SATL1: variants seen among roughly 807,000 people sequenced by gnomAD.
The protein encoded by SATL1 is spermidine/spermine N(1)-acetyltransferase-like protein 1.
A neutral mutation model predicts 51.8 loss-of-function variants in SATL1; 47 were observed. The observed-to-expected ratio is 0.91, with a 90% CI of 0.72 to 1.16. SATL1 has a LOEUF of 1.16. Ranked by LOEUF, SATL1 falls within the 50% of genes most tolerant of loss-of-function variation. The pLI is 0.00. For missense variants in SATL1, 520 were observed against 526.4 expected, an observed-to-expected ratio of 0.99 and a Z score of 0.12; for synonymous variants, 176 against 182.4, an observed-to-expected ratio of 0.97 and a Z score of 0.28.
intron 2 of SATL1, among the ~76,000 whole-genome samples, chrX:85,136,740 G>T (rs1255181173): frequency 8.9e-6 from 1 of 111,788 alleles, no homozygotes; most frequent in Non-Finnish European, 1.9e-5. Context: ...TTCTTTGGTA[G>T]CCCCACAAAT....
chrX:85,096,149 TAA>T (rs776517303), intron 4 of SATL1, among the ~76,000 whole-genome samples: 2 of 110,820 alleles, frequency 1.8e-5, no homozygotes, highest in South Asian at 7.6e-4. Context: ...CCCAGAGAGA[TAA>T]GACATGCACA....
At chrX:85,169,296 C>G (rs1176162669) in intron 2 of SATL1, among the ~76,000 whole-genome samples, 1 of 111,557 alleles carries the variant, frequency 9.0e-6, no homozygotes, top group Non-Finnish European at 1.9e-5. Context: ...TAAAGAGTTT[C>G]TGCACAGCAA....
At chrX:85,191,525 G>A (rs1307692133) in intron 2 of SATL1, among the ~76,000 whole-genome samples, 3 of 111,401 alleles carry the variant, frequency 2.7e-5, no homozygotes, top group African/African-American at 9.8e-5. Flanking sequence ...GAAAATCCGT[G>A]TATAACTTTT....
chrX:85,094,310 CGTTT>C, intron 5 of SATL1, 81 bp from the exon 6 acceptor site: 3 of 542,526 alleles, frequency 5.5e-6, no homozygotes, highest in Non-Finnish European at 9.7e-6. Flanking sequence ...TGTCTTTTGG[CGTTT>C]GTTTAACTAT....
chrX:85,213,591 A>C (rs906428237), intron 2 of SATL1, among the ~76,000 whole-genome samples: 18 of 111,654 alleles, frequency 1.6e-4, no homozygotes, highest in Non-Finnish European at 3.0e-4. Context: ...CCGCATAGCA[A>C]AATAACATTC....
At chrX:85,118,873 T>C (rs1429564266) in intron 2 of SATL1, among the ~76,000 whole-genome samples, 1 of 111,455 alleles carries the variant, frequency 9.0e-6, no homozygotes, top group East Asian at 2.8e-4. Flanking sequence ...ACACGATAAA[T>C]ATATACAAGT....
chrX:85,220,716 G>C (rs779016525), intron 2 of SATL1, among the ~76,000 whole-genome samples: 1 of 85,561 alleles, frequency 1.2e-5, no homozygotes, highest in East Asian at 4.5e-4. Context: ...GCATCACACA[G>C]TGTCCTACAT....
At chrX:85,222,693 G>A (rs1928199442) in intron 2 of SATL1, among the ~76,000 whole-genome samples, 1 of 111,111 alleles carries the variant, frequency 9.0e-6, no homozygotes, top group Non-Finnish European at 1.9e-5. Flanking sequence ...ATTGCTTCCT[G>A]CTAAGCTCAA....
chrX:85,140,743 G>C (rs1310082304), intron 2 of SATL1, among the ~76,000 whole-genome samples: 1 of 111,738 alleles, frequency 8.9e-6, no homozygotes, highest in East Asian at 2.8e-4. Flanking sequence ...GCTAGCTACT[G>C]TTCCCAATGT....
intron 2 of SATL1, among the ~76,000 whole-genome samples, chrX:85,175,108 A>G (rs933919681): frequency 1.8e-5 from 2 of 111,473 alleles, no homozygotes; most frequent in Non-Finnish European, 3.8e-5. Flanking sequence ...AGTGTGGTTC[A>G]GACCAGTGCA....
At chrX:85,169,961 C>T (rs1161866819) in intron 2 of SATL1, among the ~76,000 whole-genome samples, 1 of 111,310 alleles carries the variant, frequency 9.0e-6, no homozygotes, top group Non-Finnish European at 1.9e-5. Context: ...ACAAGATTAT[C>T]ATCCAGGAAT....
chrX:85,116,423 C>T (rs1360770827), intron 2 of SATL1, among the ~76,000 whole-genome samples: 1 of 111,898 alleles, frequency 8.9e-6, no homozygotes, highest in African/African-American at 3.2e-5. Context: ...CTTCTGAGGT[C>T]TTGTGACCCT....
intron 6 of SATL1, among the ~76,000 whole-genome samples, chrX:85,093,574 A>G (rs1280888931): frequency 8.9e-6 from 1 of 112,631 alleles, no homozygotes; most frequent in Non-Finnish European, 1.9e-5. Flanking sequence ...TACTCACACG[A>G]TGGCTCACAC....
chrX:85,146,560 C>A (rs1926244132), intron 2 of SATL1, among the ~76,000 whole-genome samples: 1 of 111,953 alleles, frequency 8.9e-6, no homozygotes, highest in Non-Finnish European at 1.9e-5. Flanking sequence ...GGGTTCAGTA[C>A]TATCTGCAAT....
chrX:85,214,984 G>A (rs1928011525), intron 2 of SATL1, among the ~76,000 whole-genome samples: 1 of 111,950 alleles, frequency 8.9e-6, no homozygotes, highest in Non-Finnish European at 1.9e-5. Flanking sequence ...AGTTTTACGA[G>A]GCTGCAGTCG....
chrX:85,165,683 T>C lies in SATL1; in HGVS notation c.-312-56403A>G, dbSNP rs1926819171. On this transcript the variant is annotated intron_variant, in intron 2 of 7. Coordinates refer to ENST00000644105, the MANE Select transcript of SATL1 (RefSeq NM_001367857.2). Reference sequence around the variant, plus strand: ...TTCTCATTTGGGTAGACTGTTTCAGTGGAAATATCTGAAACTCAATGGCTG... The same window carrying C: ...TTCTCATTTGGGTAGACTGTTTCAGCGGAAATATCTGAAACTCAATGGCTG... Among the ~76,000 whole-genome samples the C allele has an allele frequency of 2.7e-5, 3 of 111,750 alleles. No individual in the cohort carries two copies. In the South Asian group the frequency reaches 1.1e-3, roughly 42 times the overall value.
chrX:85,206,305 C>T (rs1446122835), intron 2 of SATL1, among the ~76,000 whole-genome samples: 1 of 111,170 alleles, frequency 9.0e-6, no homozygotes, highest in Admixed American at 9.6e-5. Flanking sequence ...AGTAACAAGC[C>T]CTTAGATACT....
rs773217676 is a variant in SATL1, at chrX:85,192,903, T to C, written c.-313+31302A>G. Among the ~76,000 whole-genome samples, 85 of 111,865 alleles carry C rather than the reference T, an allele frequency of 7.6e-4. 1 individual carries two copies. The highest frequency in any genetic ancestry group is 2.6e-3 in the African/African-American group (81 of 30,844). ...AGATAATATACTAGAAATAAAACATTTATATGTATTTTAAAAATCACATAC... is the reference window on the plus strand; with the variant it reads ...AGATAATATACTAGAAATAAAACATCTATATGTATTTTAAAAATCACATAC... On this transcript the variant is annotated intron_variant, in intron 2 of 7. Transcript: ENST00000644105.
At chrX:85,232,721 G>T (rs1268412783) in intron 1 of SATL1, among the ~76,000 whole-genome samples, 2 of 111,554 alleles carry the variant, frequency 1.8e-5, no homozygotes, top group Admixed American at 1.9e-4. Flanking sequence ...GAAAAGAAAA[G>T]GGAAAAGTGT....
Sources: gnomAD v4.1 joint callset for allele counts (sites outside exome capture counted in the v4.1 genomes callset) on GRCh38, gnomAD v4.1.1 for gene constraint, MANE v1.5 for transcripts, NCBI Gene and HGNC (gene_info 2026-07-23, HGNC 2026-07-21) for gene names.